The following PDE4D variants were observed in gnomAD, a reference collection of about 807,000 sequenced individuals.
PDE4D encodes the protein 3',5'-cyclic-AMP phosphodiesterase 4D.
PDE4D carries 24 observed loss-of-function variants against 87.4 expected under a neutral mutation model. That is an observed-to-expected ratio of 0.27 (90% CI 0.20 to 0.39). PDE4D has a LOEUF of 0.39. Ranked by LOEUF, PDE4D falls within the 10% of genes least tolerant of loss-of-function variation. PDE4D has a pLI of 1.00. For missense variants in PDE4D, 714 were observed against 1,041.0 expected (o/e 0.69, Z 4.32); for synonymous variants, 384 against 383.2 (o/e 1.00, Z -0.02).
intron 1 of PDE4D, among the ~76,000 whole-genome samples, chr5:59,392,986 T>A (rs1357003905): frequency 6.6e-6 from 1 of 152,064 alleles, no homozygotes; most frequent in South Asian, 2.1e-4. Flanking sequence ...ACAGGGGAAG[T>A]AGAGTTTGAA....
chr5:59,620,478 T>C (rs529157825), intron 1 of PDE4D, among the ~76,000 whole-genome samples: 1 of 152,226 alleles, frequency 6.6e-6, no homozygotes, highest in Admixed American at 6.5e-5. Flanking sequence ...GAGTTTAAGA[T>C]TTTGAGGTTG....
intron 3 of PDE4D, among the ~76,000 whole-genome samples, chr5:59,972,308 A>G (rs1199295353): frequency 6.6e-6 from 1 of 152,240 alleles, no homozygotes; most frequent in Non-Finnish European, 1.5e-5. Context: ...TGAGTAGCCC[A>G]GTATCTACCC....
intron 2 of PDE4D, among the ~76,000 whole-genome samples, chr5:59,203,965 A>G (rs1345685068): frequency 6.6e-6 from 1 of 152,200 alleles, no homozygotes; most frequent in African/African-American, 2.4e-5. Context: ...TATAATTAAT[A>G]ATCATGCATA....
At chr5:59,535,641 A>C (rs1230148886) in intron 1 of PDE4D, among the ~76,000 whole-genome samples, 1 of 152,228 alleles carries the variant, frequency 6.6e-6, no homozygotes, top group Non-Finnish European at 1.5e-5. Context: ...AAATACAGCA[A>C]AGTAGCATAA....
intron 1 of PDE4D, among the ~76,000 whole-genome samples, chr5:59,678,452 A>G (rs566895597): frequency 6.6e-5 from 10 of 152,032 alleles, no homozygotes; most frequent in African/African-American, 2.4e-4. Context: ...AAGTACCACA[A>G]TTTAGTCTGT....
chr5:60,386,875 T>G (rs1762225630), intron 1 of PDE4D, among the ~76,000 whole-genome samples: 1 of 152,262 alleles, frequency 6.6e-6, no homozygotes. Flanking sequence ...CAGTTTGTGC[T>G]TGGCATCTGT....
At chr5:59,986,063 G>A (rs1386791959) in intron 3 of PDE4D, among the ~76,000 whole-genome samples, 2 of 152,190 alleles carry the variant, frequency 1.3e-5, no homozygotes, top group Non-Finnish European at 2.9e-5. Flanking sequence ...CTTGGAAACT[G>A]TTTTTAGCAA....
At chr5:59,764,604 A>G (rs1351767668) in intron 1 of PDE4D, among the ~76,000 whole-genome samples, 1 of 151,148 alleles carries the variant, frequency 6.6e-6, no homozygotes, top group Non-Finnish European at 1.5e-5. Context: ...TAAATATAGC[A>G]TATAGAAATG....
At chr5:59,747,520 G>C (rs1448386266) in intron 1 of PDE4D, among the ~76,000 whole-genome samples, 1 of 152,120 alleles carries the variant, frequency 6.6e-6, no homozygotes. Context: ...AGTGCCGTCT[G>C]GGAATTTCAC....
rs189114846 is a variant in PDE4D, at chr5:59,374,067, A to G, written c.456-158099T>C. On this transcript the variant is annotated intron_variant, in intron 1 of 14. Transcript: ENST00000340635. ...AGGAAAGACCATTACCAGACACTAC[A>G]AAAACACACTGAAGTGTACAGACCA... Among the ~76,000 whole-genome samples the G allele has an allele frequency of 2.8e-3, 427 of 152,334 alleles. 3 individuals are homozygous for G. Among genetic ancestry groups the G allele is most frequent in the Admixed American group, 6.1e-3 (93 of 15,294 alleles).
chr5:60,300,984 T>A (rs556512301), intron 1 of PDE4D, among the ~76,000 whole-genome samples: 123 of 152,272 alleles, frequency 8.1e-4, no homozygotes, highest in Non-Finnish European at 1.6e-3. Flanking sequence ...TTGGTCAGGG[T>A]GGTCTCAAAC....
intron 1 of PDE4D, among the ~76,000 whole-genome samples, chr5:59,554,613 A>G (rs990803747): frequency 8.5e-5 from 13 of 152,198 alleles, no homozygotes; most frequent in Non-Finnish European, 1.3e-4. Context: ...TCACACTATG[A>G]CTAGCATTTT....
At chr5:60,333,537 C>A (rs1757483914) in intron 1 of PDE4D, among the ~76,000 whole-genome samples, 1 of 152,178 alleles carries the variant, frequency 6.6e-6, no homozygotes, top group African/African-American at 2.4e-5. Context: ...CGTGGAGGCT[C>A]AGAAGGTTCC....
intron 1 of PDE4D, among the ~76,000 whole-genome samples, chr5:59,786,055 G>T (rs1023457229): frequency 1.3e-5 from 2 of 152,042 alleles, no homozygotes; most frequent in South Asian, 2.1e-4. Context: ...ATGCAGACTC[G>T]TGGGCACTCT....
intron 1 of PDE4D, among the ~76,000 whole-genome samples, chr5:59,666,701 C>G (rs1369077086): frequency 6.6e-6 from 1 of 152,176 alleles, no homozygotes. Flanking sequence ...GAGTAAGCAA[C>G]TGAATTGTAA....
intron 1 of PDE4D, among the ~76,000 whole-genome samples, chr5:59,224,009 G>A (rs1342486141): frequency 6.6e-6 from 1 of 151,420 alleles, no homozygotes; most frequent in Non-Finnish European, 1.5e-5. Flanking sequence ...CCCAGGGCTG[G>A]GCATGGTGGC....
intron 3 of PDE4D, among the ~76,000 whole-genome samples, chr5:59,914,534 GTA>G (rs1753790215): frequency 9.5e-6 from 1 of 105,294 alleles, no homozygotes; most frequent in Non-Finnish European, 1.9e-5. Context: ...CCAGGAAGAT[GTA>G]TGTGTGTGTG....
At chr5:60,013,593 A>G (rs1290934488) in intron 2 of PDE4D, among the ~76,000 whole-genome samples, 7 of 152,134 alleles carry the variant, frequency 4.6e-5, no homozygotes, top group Admixed American at 3.3e-4. Context: ...AAGTTATACT[A>G]CTAGTAAAAG....
intron 3 of PDE4D, among the ~76,000 whole-genome samples, chr5:59,978,844 T>C (rs1761619946): frequency 6.6e-6 from 1 of 152,160 alleles, no homozygotes; most frequent in Non-Finnish European, 1.5e-5. Flanking sequence ...TCAGCAGTCA[T>C]GAACATTGAG....
Sources: gnomAD v4.1 joint callset for allele counts (sites outside exome capture counted in the v4.1 genomes callset) on GRCh38, gnomAD v4.1.1 for gene constraint, MANE v1.5 for transcripts, NCBI Gene and HGNC (gene_info 2026-07-23, HGNC 2026-07-21) for gene names.